Variants in LRMDA observed in about 807,000 individuals in gnomAD.
LRMDA encodes the protein leucine-rich melanocyte differentiation-associated protein.
In LRMDA, 18 loss-of-function variants were observed where a neutral mutation model predicts 29.8. That is an observed-to-expected ratio of 0.60 (90% confidence interval 0.42 to 0.90). The LOEUF is 0.90. Ranked by LOEUF, LRMDA falls within the 40% of genes least tolerant of loss-of-function variation. The pLI is 0.00. For missense variants in LRMDA, 273 were observed against 273.9 expected, an observed-to-expected ratio of 1.00 and a Z score of 0.02; for synonymous variants, 125 against 109.4, an observed-to-expected ratio of 1.14 and a Z score of -0.89.
Position 75,659,975 on chromosome 10 carries a change from T to C in LRMDA, c.131+221481T>C, listed in dbSNP as rs199534292. On this transcript the variant is annotated intron_variant, in intron 2 of 6. Coordinates refer to ENST00000611255, the MANE Select transcript of LRMDA (RefSeq NM_001305581.2). ...TTACTCTTGATCCTAGGAGGAACTT[T>C]TTGTTTTCCTAAGTCATAGGCGACT... Among the ~76,000 whole-genome samples the C allele has an allele frequency of 2.0e-5, 3 of 152,286 alleles. No individual in the cohort carries two copies. In the East Asian group the frequency reaches 5.8e-4, roughly 29 times the overall value.
At chr10:75,977,125 T>C (rs1354170530) in intron 2 of LRMDA, among the ~76,000 whole-genome samples, 4 of 72,842 alleles carry the variant, frequency 5.5e-5, no homozygotes, top group Non-Finnish European at 1.1e-4. Context: ...TTTTCTTCCC[T>C]TTTTTTTTTT....
At chr10:76,298,378 G>T (rs1206748761) in intron 5 of LRMDA, among the ~76,000 whole-genome samples, 1 of 152,218 alleles carries the variant, frequency 6.6e-6, no homozygotes, top group Non-Finnish European at 1.5e-5. Context: ...GGAGAGGAAG[G>T]CAGGAAGACA....
chr10:75,753,357 C>T (rs1054872431), intron 2 of LRMDA, among the ~76,000 whole-genome samples: 7 of 152,112 alleles, frequency 4.6e-5, no homozygotes, highest in Non-Finnish European at 1.0e-4. Context: ...TTAAAAGAGA[C>T]AATTTCCTAT....
intron 2 of LRMDA, among the ~76,000 whole-genome samples, chr10:76,014,134 ATATATATATAATTATATAT>A (rs1564630491): frequency 1.4e-5 from 2 of 139,934 alleles, no homozygotes; most frequent in East Asian, 4.1e-4. Context: ...AATTATATAT[ATATATATATAATTATATAT>A]ATATATAATT....
At chr10:75,952,122 T>C (rs1719270953) in intron 2 of LRMDA, among the ~76,000 whole-genome samples, 1 of 152,196 alleles carries the variant, frequency 6.6e-6, no homozygotes, top group African/African-American at 2.4e-5. Context: ...TGGGGTCCCC[T>C]CAGCCCCAAG....
chr10:75,473,826 G>A (rs892720719), intron 2 of LRMDA, among the ~76,000 whole-genome samples: 1 of 152,188 alleles, frequency 6.6e-6, no homozygotes, highest in African/African-American at 2.4e-5. Context: ...TCTCACCAGG[G>A]ACCAAGGTGA....
chr10:75,590,465 T>C (rs1301574313), intron 2 of LRMDA, among the ~76,000 whole-genome samples: 1 of 152,256 alleles, frequency 6.6e-6, no homozygotes, highest in African/African-American at 2.4e-5. Context: ...TTTAATTTGG[T>C]ATATGACATC....
Position 76,214,147 on chromosome 10 carries a change from T to C in LRMDA, c.517-110254T>C, listed in dbSNP as rs142902797. 6.6e-3 allele frequency among the ~76,000 whole-genome samples: 1,002 copies of C among 151,978 alleles called. 19 individuals carry two copies. Among genetic ancestry groups the C allele is most frequent in the African/African-American group, 0.023 (952 of 41,390 alleles). On this transcript the variant is annotated intron_variant, in intron 5 of 6. Transcript: ENST00000611255. ...CTTGGCTATAAAATACAGCATAATA[T>C]AGCACAAAAGCTACTGTAATTGGGG...
intron 2 of LRMDA, among the ~76,000 whole-genome samples, chr10:75,665,115 A>T (rs1841805883): frequency 6.6e-6 from 1 of 152,222 alleles, no homozygotes; most frequent in Non-Finnish European, 1.5e-5. Flanking sequence ...CTGGAGTTTG[A>T]CAGAGGGGAG....
chr10:75,706,389 A>G (rs1842369243), intron 2 of LRMDA, among the ~76,000 whole-genome samples: 1 of 152,178 alleles, frequency 6.6e-6, no homozygotes, highest in Non-Finnish European at 1.5e-5. Flanking sequence ...CATTACTTGT[A>G]TAGTTCACAA....
At chr10:76,208,785 G>A (rs1379984336) in intron 5 of LRMDA, among the ~76,000 whole-genome samples, 1 of 151,990 alleles carries the variant, frequency 6.6e-6, no homozygotes, top group Non-Finnish European at 1.5e-5. Flanking sequence ...ATTTTTCCCA[G>A]GCCCTTTCAC....
chr10:75,790,710 G>C (rs557878208), intron 2 of LRMDA, among the ~76,000 whole-genome samples: 1 of 152,228 alleles, frequency 6.6e-6, no homozygotes, highest in East Asian at 1.9e-4. Context: ...CATACATTTT[G>C]TGGAGAACGT....
intron 2 of LRMDA, among the ~76,000 whole-genome samples, chr10:75,527,351 T>G (rs1845425522): frequency 6.6e-6 from 1 of 152,210 alleles, no homozygotes; most frequent in African/African-American, 2.4e-5. Context: ...CTGTGAACAT[T>G]CTTGTGCAGC....
intron 5 of LRMDA, among the ~76,000 whole-genome samples, chr10:76,100,143 C>G (rs1849373840): frequency 6.6e-6 from 1 of 152,016 alleles, no homozygotes; most frequent in African/African-American, 2.4e-5. Context: ...GTTATGTGTT[C>G]CTGATAAATG....
At chr10:76,363,629 C>A (rs1841356440) in intron 6 of LRMDA, among the ~76,000 whole-genome samples, 1 of 151,928 alleles carries the variant, frequency 6.6e-6, no homozygotes, top group Admixed American at 6.6e-5. Flanking sequence ...CTTTTGCTTA[C>A]TCTTTCTCTG....
At chr10:75,940,541 C>G (rs545068912) in intron 2 of LRMDA, among the ~76,000 whole-genome samples, 1 of 152,174 alleles carries the variant, frequency 6.6e-6, no homozygotes, top group Non-Finnish European at 1.5e-5. Context: ...TCCTGTGTAA[C>G]CTCCTATCTC....
At chr10:76,044,719 T>C (rs1225909031) in intron 3 of LRMDA, among the ~76,000 whole-genome samples, 1 of 152,142 alleles carries the variant, frequency 6.6e-6, no homozygotes, top group Non-Finnish European at 1.5e-5. Flanking sequence ...CATTCTCACC[T>C]CCTCATTCTA....
chr10:76,429,041 A>ACACACACAC (rs1554820441), intron 6 of LRMDA, among the ~76,000 whole-genome samples: 73 of 64,030 alleles, frequency 1.1e-3, no homozygotes, highest in African/African-American at 3.2e-3. Context: ...CACACACACA[A>ACACACACAC]ACACACACAC....
chr10:75,560,201 T>G (rs866293960), intron 2 of LRMDA, among the ~76,000 whole-genome samples: 7 of 152,118 alleles, frequency 4.6e-5, no homozygotes, highest in African/African-American at 1.7e-4. Context: ...TATCCTCTCT[T>G]ATTTCATTGA....
Sources: gnomAD v4.1 joint callset for allele counts (sites outside exome capture counted in the v4.1 genomes callset) on GRCh38, gnomAD v4.1.1 for gene constraint, MANE v1.5 for transcripts, NCBI Gene and HGNC (gene_info 2026-07-23, HGNC 2026-07-21) for gene names.